Variants in MRAP2 observed in about 807,000 individuals in gnomAD.
The protein encoded by MRAP2 is melanocortin-2 receptor accessory protein 2.
A neutral mutation model predicts 17.4 loss-of-function variants in MRAP2; 20 were observed. The ratio of observed to expected loss-of-function variants is 1.15; its 90% confidence interval spans 0.81 to 1.67. The LOEUF (loss-of-function observed/expected upper bound fraction) is 1.67. MRAP2 is among the 40% of genes most tolerant of loss of function. MRAP2 has a pLI of 0.00. For synonymous variants in MRAP2, 96 were observed against 88.4 expected, an observed-to-expected ratio of 1.09 and a Z score of -0.48; for missense variants, 238 against 240.0, an observed-to-expected ratio of 0.99 and a Z score of 0.05.
At chr6:84,099,383 C>G in the MRAP2 span, among the ~76,000 whole-genome samples, 1 of 151,982 alleles carries the variant, frequency 6.6e-6, no homozygotes, top group African/African-American at 2.4e-5. Flanking sequence ...TTCCACACTT[C>G]TTGTTTATTA....
At chr6:84,081,319 G>C (rs1372313044) in intron 3 of MRAP2, among the ~76,000 whole-genome samples, 1 of 152,172 alleles carries the variant, frequency 6.6e-6, no homozygotes, top group Non-Finnish European at 1.5e-5. Flanking sequence ...ATCCTGGTTT[G>C]CAGTTTGAAT....
chr6:84,036,142 A>ATTTTTTTTTTTT (rs2099485912), intron 1 of MRAP2, among the ~76,000 whole-genome samples: 1 of 150,242 alleles, frequency 6.7e-6, no homozygotes, highest in African/African-American at 2.4e-5. Context: ...TTTTTTTTAA[A>ATTTTTTTTTTTT]TTTTTCTCAT....
intron 3 of MRAP2, among the ~76,000 whole-genome samples, chr6:84,085,296 C>T (rs912460825): frequency 2.0e-5 from 3 of 152,044 alleles, no homozygotes; most frequent in Non-Finnish European, 4.4e-5. Flanking sequence ...CCTCGTGATC[C>T]GCCCTTCTCG....
At chr6:84,096,245 C>T in the MRAP2 span, among the ~76,000 whole-genome samples, 45 of 152,028 alleles carry the variant, frequency 3.0e-4, no homozygotes, top group East Asian at 5.8e-4. Context: ...AGAATTGGGA[C>T]GTGAGGGACC....
At chr6:84,064,354 T>C (rs138528041) in intron 3 of MRAP2, among the ~76,000 whole-genome samples, 5 of 152,260 alleles carry the variant, frequency 3.3e-5, no homozygotes, top group African/African-American at 7.2e-5. Context: ...CCCCACTGGC[T>C]GAACACAACC....
At chr6:84,052,917 T>C (rs1333664635) in intron 1 of MRAP2, 1 of 361,946 alleles carries the variant, frequency 2.8e-6, no homozygotes, top group Non-Finnish European at 3.8e-6. Flanking sequence ...CATCCCTAAA[T>C]AGTTCGTTTA....
At chr6:84,112,150 A>G in the MRAP2 span, among the ~76,000 whole-genome samples, 3 of 151,540 alleles carry the variant, frequency 2.0e-5, no homozygotes, top group South Asian at 2.1e-4. Context: ...CCCTTTTTCT[A>G]TTGTTTGGAA....
At chr6:84,143,519 AG>A in the MRAP2 span, among the ~76,000 whole-genome samples, 4 of 151,990 alleles carry the variant, frequency 2.6e-5, no homozygotes, top group Non-Finnish European at 5.9e-5. Flanking sequence ...GTTTTCGTTA[AG>A]GGAAAAAATA....
intron 3 of MRAP2, among the ~76,000 whole-genome samples, chr6:84,076,793 C>T (rs546532459): frequency 3.8e-4 from 58 of 152,312 alleles, no homozygotes; most frequent in African/African-American, 1.3e-3. Context: ...ACCATTGGCA[C>T]AGCAGCAGGT....
At chr6:84,080,104 G>A (rs2099498600) in intron 3 of MRAP2, among the ~76,000 whole-genome samples, 1 of 151,570 alleles carries the variant, frequency 6.6e-6, no homozygotes, top group Non-Finnish European at 1.5e-5. Context: ...CATGGTCTTT[G>A]CTCACCACAA....
chr6:84,089,463 A>T lies in MRAP2; in HGVS notation c.600A>T (p.Ser200=). The T allele has an allele frequency of 6.2e-7, 1 of 1,613,518 alleles. No individual in the cohort carries two copies. The highest frequency in any genetic ancestry group is 8.5e-7 in the Non-Finnish European group (1 of 1,179,804). Residue 200 remains serine, a synonymous_variant, in exon 4 of 4, where the codon TCA becomes TCT. Transcript: ENST00000257776. ...AAACTAAGCCACTTTCCCAGACCTCACACAAAGACCTGGATTGAGAAACAT... is the reference window on the plus strand; with the variant it reads ...AAACTAAGCCACTTTCCCAGACCTCTCACAAAGACCTGGATTGAGAAACAT... ...VLETKPLSQT[S]HKDLD
chr6:84,066,541 G>C (rs192995282), intron 3 of MRAP2, among the ~76,000 whole-genome samples: 616 of 152,192 alleles, frequency 4.0e-3, no homozygotes, highest in African/African-American at 0.015. Flanking sequence ...CTAATTTTAA[G>C]TTTGCCTATG....
intron 1 of MRAP2, among the ~76,000 whole-genome samples, chr6:84,035,983 T>C (rs555422705): frequency 0.029 from 4,384 of 152,334 alleles, 91 homozygotes; most frequent in Non-Finnish European, 0.049. Context: ...GGAAATGTTT[T>C]CATTACTTGG....
intron 2 of MRAP2, among the ~76,000 whole-genome samples, chr6:84,060,880 T>TTTA (rs60127449): frequency 2.0e-5 from 3 of 150,218 alleles, no homozygotes; most frequent in African/African-American, 7.4e-5. Context: ...TTTGTATTTT[T>TTTA]AGTAGAGACG....
At chr6:84,143,573 GA>G in the MRAP2 span, among the ~76,000 whole-genome samples, 32 of 151,846 alleles carry the variant, frequency 2.1e-4, no homozygotes, top group African/African-American at 7.2e-4. Flanking sequence ...GTTTTATAAT[GA>G]AAAAGGAGAA....
At chr6:84,143,354 T>C in the MRAP2 span, among the ~76,000 whole-genome samples, 2 of 152,018 alleles carry the variant, frequency 1.3e-5, no homozygotes, top group African/African-American at 2.4e-5. Context: ...GGCTGCTTTG[T>C]AGTTTTCATA....
At chr6:84,067,277 T>C (rs951182576) in intron 3 of MRAP2, among the ~76,000 whole-genome samples, 2 of 152,210 alleles carry the variant, frequency 1.3e-5, no homozygotes, top group Non-Finnish European at 2.9e-5. Flanking sequence ...TATCCACTTG[T>C]TGATTGATGG....
At chr6:84,072,419 A>G (rs549399070) in intron 3 of MRAP2, among the ~76,000 whole-genome samples, 5 of 152,270 alleles carry the variant, frequency 3.3e-5, no homozygotes, top group East Asian at 3.9e-4. Flanking sequence ...GAGTCCTGTG[A>G]CGAGAATCGT....
At chr6:84,069,384 G>T (rs2497146) in intron 3 of MRAP2, among the ~76,000 whole-genome samples, 10,305 of 152,048 alleles carry the variant, frequency 0.068, 414 homozygotes, top group African/African-American at 0.1. Context: ...TGTTAATGTG[G>T]TGTATCACAT....
Sources: gnomAD v4.1 joint callset for allele counts (sites outside exome capture counted in the v4.1 genomes callset) on GRCh38, gnomAD v4.1.1 for gene constraint, MANE v1.5 for transcripts, NCBI Gene and HGNC (gene_info 2026-07-23, HGNC 2026-07-21) for gene names.